The following TJAP1 variants were observed in gnomAD, a reference collection of about 807,000 sequenced individuals.
TJAP1 encodes the protein tight junction associated protein 1, also known as tight junction-associated protein 1.
A neutral mutation model predicts 42.0 loss-of-function variants in TJAP1; 27 were observed. That is an observed-to-expected ratio of 0.64 (90% confidence interval 0.47 to 0.89). The LOEUF (loss-of-function observed/expected upper bound fraction) is 0.89, where lower values mean the gene tolerates loss of function less well. Among genes scored for constraint, TJAP1 ranks in the 40% least tolerant of loss-of-function variants. The pLI, the probability that TJAP1 is intolerant of heterozygous loss-of-function variation, is 0.00. For missense variants in TJAP1, 712 were observed against 726.9 expected (o/e 0.98, Z 0.24); for synonymous variants, 257 against 288.4 (o/e 0.89, Z 1.10).
intron 2 of TJAP1, among the ~76,000 whole-genome samples, chr6:43,488,275 A>G (rs1581948332): frequency 6.6e-6 from 1 of 152,330 alleles, no homozygotes; most frequent in East Asian, 1.9e-4. Context: ...CAAGGAGTGG[A>G]ATGGTCCCTG....
chr6:43,505,130 C>T lies in TJAP1; in HGVS notation c.949C>T (p.Pro317Ser). The T allele has an allele frequency of 1.2e-6, 2 of 1,614,192 alleles. No individual in the cohort carries two copies. The highest frequency in any genetic ancestry group is 1.7e-6 in the Non-Finnish European group (2 of 1,180,024). The change falls in exon 11 of 11, where the codon CCA becomes TCA. Residue 317 changes from proline (P) to serine (S), a missense_variant. By Grantham distance (74) the Pro-to-Ser change is moderately conservative (BLOSUM62 -1). Transcript: ENST00000372449. This position sits in a 1 kb window ranked among gnomAD's most constrained non-coding sequence, Gnocchi z 5.5. ...AGCCTTTGAGAAGCTGAACCCCTACCCAACCCCGTCTCCACCACACCCACT... is the reference window on the plus strand; with the variant it reads ...AGCCTTTGAGAAGCTGAACCCCTACTCAACCCCGTCTCCACCACACCCACT...
intron 5 of TJAP1, chr6:43,501,036 C>T (rs1213133383): frequency 3.9e-6 from 2 of 518,976 alleles, no homozygotes; most frequent in Non-Finnish European, 6.9e-6. Context: ...CTAAGGAGCC[C>T]TTCCCCAGCT....
exon 10 of TJAP1, chr6:43,503,645 A>G (rs549593302): frequency 2.9e-5 from 47 of 1,614,016 alleles, no homozygotes; most frequent in Non-Finnish European, 3.8e-5. Context: ...CTGGACTGCA[A>G]CCTGGCTGTA....
At chr6:43,500,059 C>A (rs1040494547) in intron 4 of TJAP1, among the ~76,000 whole-genome samples, 2 of 152,186 alleles carry the variant, frequency 1.3e-5, no homozygotes, top group Non-Finnish European at 2.9e-5. Context: ...CCAGAGGCTG[C>A]TCTTCTGAAG....
Position 43,505,940 on chromosome 6 carries a change from C to A in TJAP1, c.*85C>A, listed in dbSNP as rs1351730991. 3.7e-6 allele frequency: 5 copies of A among 1,369,484 alleles called. No homozygotes were observed. The African/African-American group carries it at 7.3e-5, about 20-fold the overall frequency. 84.8% of individuals were successfully genotyped at this position (1,369,484 alleles called of 1,614,324 possible). On this transcript the variant is annotated 3_prime_UTR_variant, in exon 11 of 11. Transcript: ENST00000372449. This position sits in a 1 kb window ranked among gnomAD's most constrained non-coding sequence, Gnocchi z 5.5. ...GGCAGCTCAGGGTCCCCAGTCCAAG[C>A]CCTTGACCTCTCCTCTATCCAGACC...
chr6:43,478,649 G>C (rs1424094842), intron 2 of TJAP1: 1 of 152,220 alleles, frequency 6.6e-6, no homozygotes, highest in East Asian at 1.9e-4. Flanking sequence ...CGTGTTCACT[G>C]ACCATTTAGG....
chr6:43,489,421 T>C (rs542233270), intron 2 of TJAP1, among the ~76,000 whole-genome samples: 1 of 152,332 alleles, frequency 6.6e-6, no homozygotes, highest in African/African-American at 2.4e-5. Flanking sequence ...CACTGCCCCA[T>C]TGTACTGTGC....
rs759118124 is a variant in TJAP1 at position 43,504,752 on chromosome 6, T to C, written c.580-9T>C. The stretch of plus-strand genomic sequence containing the variant: ...ATTGATGTCTCTCTTTCCTGCTCTT[T>C]TACCTCAGCTGCCCTGTGAGCTACA... On this transcript the variant is annotated splice_polypyrimidine_tract_variant and intron_variant, in intron 10 of 10. Coordinates refer to ENST00000372449, the Ensembl canonical transcript of TJAP1. 1 of 1,606,058 alleles carries C rather than the reference T, an allele frequency of 6.2e-7. No homozygotes were observed. Among genetic ancestry groups the C allele is most frequent in the South Asian group, 1.1e-5 (1 of 90,864 alleles).
At chr6:43,502,074 A>ACTCTCTCTCTCTCTCTCT (rs1419078417) in intron 6 of TJAP1, among the ~76,000 whole-genome samples, 3 of 94,692 alleles carry the variant, frequency 3.2e-5, no homozygotes, top group African/African-American at 1.7e-4. Context: ...ACACACACAC[A>ACTCTCTCTCTCTCTCTCT]CACTCTCTCT....
At chr6:43,501,555 G>A (rs768989903) in exon 6 of TJAP1, 9 of 1,613,668 alleles carry the variant, frequency 5.6e-6, no homozygotes, top group Middle Eastern at 1.7e-4. Flanking sequence ...GAAGAGCTTC[G>A]CCGGCGCCTG....
At position 43,501,707 on chromosome 6, in the gene TJAP1, G is replaced by GACAC. The variant is rs70990192; in HGVS notation, c.290+69_290+72dup. The GACAC allele has an allele frequency of 0.014, 7,897 of 569,468 alleles. 46 individuals carry two copies. The highest frequency in any genetic ancestry group is 0.024 in the Admixed American group (846 of 35,576). 35.3% of individuals were successfully genotyped at this position (569,468 alleles called of 1,614,324 possible). ...CCGCAGGTGTGGGAATGAGGGGCCAGACACACACACACACACACACACACA... is the reference window on the plus strand; with the variant it reads ...CCGCAGGTGTGGGAATGAGGGGCCAGACACACACACACACACACACACACACACA... On this transcript the variant is annotated intron_variant, in intron 6 of 10. Transcript: ENST00000372449.
chr6:43,483,715 CT>C (rs1326951099), intron 2 of TJAP1, among the ~76,000 whole-genome samples: 2 of 152,206 alleles, frequency 1.3e-5, no homozygotes, highest in Non-Finnish European at 1.5e-5. Flanking sequence ...ACCTGTGCAA[CT>C]TTGGGCAAGT....
In TJAP1 at chr6:43,499,112, T is replaced by G; in HGVS notation, c.99+12T>G. The stretch of plus-strand genomic sequence containing the variant: ...GGCTTGAGCAGGAGGTCAGCAAGAC[T>G]GGTATCACAGCCTGACCGGCAGAGG... On this transcript the variant is annotated intron_variant, in intron 4 of 10. Transcript: ENST00000372449. 6.2e-7 allele frequency: 1 copy of G among 1,613,224 alleles called. No individual in the cohort carries two copies. Among genetic ancestry groups the G allele is most frequent in the Non-Finnish European group, 8.5e-7 (1 of 1,179,838 alleles).
intron 2 of TJAP1, among the ~76,000 whole-genome samples, chr6:43,493,306 G>T (rs986373699): frequency 1.3e-5 from 2 of 152,162 alleles, no homozygotes; most frequent in African/African-American, 4.8e-5. Context: ...CTTCGTAGTA[G>T]GTTCAGAAAT....
chr6:43,504,544 T>C (rs2127658265), intron 10 of TJAP1: 2 of 631,614 alleles, frequency 3.2e-6, no homozygotes, highest in Non-Finnish European at 5.5e-6. Flanking sequence ...GGTTTAAATC[T>C]TGGCCAAGTT....
At chr6:43,501,924 C>T (rs1790837358) in intron 6 of TJAP1, among the ~76,000 whole-genome samples, 3 of 111,300 alleles carry the variant, frequency 2.7e-5, no homozygotes, top group Non-Finnish European at 5.4e-5. Context: ...CACACACACA[C>T]ACACTCTCTC....
At chr6:43,487,366 C>T (rs924481286) in intron 2 of TJAP1, among the ~76,000 whole-genome samples, 2 of 152,174 alleles carry the variant, frequency 1.3e-5, no homozygotes, top group Non-Finnish European at 2.9e-5. Context: ...TTTATACCTT[C>T]ACAGGTAGCC....
At position 43,503,723 on chromosome 6, in the gene TJAP1, C is replaced by T. The variant is rs772691994; in HGVS notation, c.579+17C>T. ...TTTGCCGATGTGAGTAGAACTCACC[C>T]CCTCCCTGCCCACATAGACCATTCC... On this transcript the variant is annotated intron_variant, in intron 10 of 10. Coordinates refer to ENST00000372449, the Ensembl canonical transcript of TJAP1. 3.1e-6 allele frequency: 5 copies of T among 1,606,760 alleles called. No individual in the cohort carries two copies. Among genetic ancestry groups the T allele is most frequent in the Non-Finnish European group, 4.3e-6 (5 of 1,173,322 alleles).
At chr6:43,502,972 T>C in intron 8 of TJAP1, 2 of 478,136 alleles carry the variant, frequency 4.2e-6, no homozygotes, top group Non-Finnish European at 3.8e-6. Context: ...GCTTGCTCCC[T>C]GCTCAACAAG....
Sources: gnomAD v4.1 joint callset for allele counts (sites outside exome capture counted in the v4.1 genomes callset) on GRCh38, gnomAD v4.1.1 for gene constraint, Gnocchi (gnomAD v3.1) non-coding constraint, MANE v1.5 for transcripts, NCBI Gene and HGNC (gene_info 2026-07-23, HGNC 2026-07-21) for gene names.